Variants in NLK observed in about 807,000 individuals in gnomAD.
NLK encodes nemo like kinase.
A neutral mutation model predicts 59.0 loss-of-function variants in NLK; 11 were observed. That is an observed-to-expected ratio of 0.19 (90% CI 0.12 to 0.31). NLK has a LOEUF of 0.31. Among genes scored for constraint, NLK ranks in the 10% least tolerant of loss-of-function variants. The probability of loss-of-function intolerance (pLI) is 1.00; values close to 1 mark genes in which losing one functional copy is unlikely to be tolerated. For synonymous variants in NLK, 235 were observed against 235.9 expected, an observed-to-expected ratio of 1.00 and a Z score of 0.03; for missense variants, 410 against 661.1, an observed-to-expected ratio of 0.62 and a Z score of 4.16.
At chr17:28,199,665 CAA>C (rs1303411168), downstream of NLK, among the ~76,000 whole-genome samples, 254 of 33,556 alleles carry the variant, frequency 7.6e-3, no homozygotes, top group African/African-American at 0.026. Flanking sequence ...GACTCTGTCT[CAA>C]AAAAAAAAAA....
At chr17:28,067,033 C>T (rs928079278) in intron 1 of NLK, among the ~76,000 whole-genome samples, 7 of 152,110 alleles carry the variant, frequency 4.6e-5, no homozygotes, top group African/African-American at 1.4e-4. Context: ...TATTTTCTCC[C>T]AGTCTGTAGT....
At chr17:28,179,872 G>GTTTTTTTTTTTT (rs34411493) in intron 7 of NLK, among the ~76,000 whole-genome samples, 21 of 79,404 alleles carry the variant, frequency 2.6e-4, no homozygotes, top group East Asian at 8.8e-4. Context: ...AGCATTCTTG[G>GTTTTTTTTTTTT]TTTTTTTTTT....
At chr17:28,096,925 A>C (rs1215841629) in intron 1 of NLK, among the ~76,000 whole-genome samples, 1 of 152,208 alleles carries the variant, frequency 6.6e-6, no homozygotes, top group Non-Finnish European at 1.5e-5. Context: ...TAAGTGGGAC[A>C]CTGAAGGGTC....
intron 1 of NLK, among the ~76,000 whole-genome samples, chr17:28,078,774 C>G (rs930477074): frequency 6.6e-6 from 1 of 151,940 alleles, no homozygotes; most frequent in Non-Finnish European, 1.5e-5. Flanking sequence ...TTTATAGCAC[C>G]CATTCTCTCA....
chr17:28,084,866 T>C (rs906279754), intron 1 of NLK, among the ~76,000 whole-genome samples: 1 of 152,022 alleles, frequency 6.6e-6, no homozygotes, highest in African/African-American at 2.4e-5. Context: ...CCAGCCCCTG[T>C]CCCTACCTTT....
chr17:28,132,584 G>A (rs1456042718), intron 2 of NLK, 36 bp from the exon 3 acceptor site: 2 of 1,532,772 alleles, frequency 1.3e-6, no homozygotes, highest in African/African-American at 1.4e-5. Context: ...TTCCTTTTTT[G>A]TTCTCTAAAT....
At chr17:28,189,351 T>C (rs1369903446) in intron 8 of NLK, among the ~76,000 whole-genome samples, 1 of 152,148 alleles carries the variant, frequency 6.6e-6, no homozygotes, top group Non-Finnish European at 1.5e-5. Context: ...GGAGTAAAAA[T>C]ATTGTTGAAA....
chr17:28,115,132 C>T (rs1905706439), intron 1 of NLK, among the ~76,000 whole-genome samples: 1 of 152,166 alleles, frequency 6.6e-6, no homozygotes, highest in Non-Finnish European at 1.5e-5. Context: ...GATTCAGCTA[C>T]TGCTATAAGA....
intron 3 of NLK, among the ~76,000 whole-genome samples, chr17:28,135,307 G>A (rs1906697236): frequency 6.6e-6 from 1 of 152,174 alleles, no homozygotes. Context: ...TTATTCCCTT[G>A]GTGTTCAAGG....
At chr17:28,151,293 G>A (rs1907469666) in intron 3 of NLK, among the ~76,000 whole-genome samples, 1 of 152,140 alleles carries the variant, frequency 6.6e-6, no homozygotes, top group South Asian at 2.1e-4. Flanking sequence ...AGCAAAAACC[G>A]TATCATAAGG....
intron 1 of NLK, among the ~76,000 whole-genome samples, chr17:28,069,640 G>A (rs1242133046): frequency 6.6e-6 from 1 of 151,984 alleles, no homozygotes; most frequent in Non-Finnish European, 1.5e-5. Flanking sequence ...AATGATGTTT[G>A]CCACATTTTC....
At chr17:28,158,980 G>A (rs1232603527) in intron 3 of NLK, among the ~76,000 whole-genome samples, 2 of 152,140 alleles carry the variant, frequency 1.3e-5, no homozygotes, top group East Asian at 1.9e-4. Flanking sequence ...CATCATCAAC[G>A]AAACATCATT....
chr17:28,115,284 G>A (rs1905715506), intron 1 of NLK, among the ~76,000 whole-genome samples: 1 of 152,212 alleles, frequency 6.6e-6, no homozygotes, highest in African/African-American at 2.4e-5. Flanking sequence ...TGTTGGCAGA[G>A]CCTAACATGG....
At chr17:28,165,797 G>A (rs1908201752) in intron 5 of NLK, among the ~76,000 whole-genome samples, 1 of 151,926 alleles carries the variant, frequency 6.6e-6, no homozygotes, top group Non-Finnish European at 1.5e-5. Flanking sequence ...TTTTTTGTTG[G>A]ATGGGTGGTT....
intron 8 of NLK, among the ~76,000 whole-genome samples, chr17:28,188,402 G>A (rs1909195572): frequency 6.6e-6 from 1 of 152,082 alleles, no homozygotes; most frequent in African/African-American, 2.4e-5. Context: ...AGTTCAATGA[G>A]AACAAGAAAC....
chr17:28,168,706 A>G (rs1435800997), intron 6 of NLK, 49 bp downstream of exon 6: 1 of 1,436,366 alleles, frequency 7.0e-7, no homozygotes, highest in Admixed American at 1.7e-5. Context: ...GCAGATTTGA[A>G]GGAAAATCCA....
At position 28,196,074 on chromosome 17, in the gene NLK, A is replaced by G. The variant is rs185411129; in HGVS notation, c.*1438A>G. ...TGAATTTGAAGACTATTAATAAGTT[A>G]TGTTTGGAAGTTTTAACTTCAATGA... On this transcript the variant is annotated 3_prime_UTR_variant, in exon 11 of 11. Transcript: ENST00000407008. The G allele has an allele frequency of 3.3e-5, 5 of 152,752 alleles. No homozygotes were observed. The East Asian group carries it at 9.6e-4, about 29-fold the overall frequency. 9.5% of individuals were successfully genotyped at this position (152,752 alleles called of 1,614,324 possible).
chr17:28,143,148 A>G (rs1367353760), intron 3 of NLK, among the ~76,000 whole-genome samples: 14 of 151,744 alleles, frequency 9.2e-5, no homozygotes, highest in Non-Finnish European at 2.1e-4. Flanking sequence ...GGTTCCAGCA[A>G]TTCTCCTGCC....
chr17:28,140,552 A>G (rs1906944414), intron 3 of NLK, among the ~76,000 whole-genome samples: 1 of 152,188 alleles, frequency 6.6e-6, no homozygotes, highest in African/African-American at 2.4e-5. Flanking sequence ...ATGGTTTTTC[A>G]TGATGCTCAA....
Sources: gnomAD v4.1 joint callset for allele counts (sites outside exome capture counted in the v4.1 genomes callset) on GRCh38, gnomAD v4.1.1 for gene constraint, MANE v1.5 for transcripts, NCBI Gene and HGNC (gene_info 2026-07-23, HGNC 2026-07-21) for gene names.